The following PTPRT variants were observed in gnomAD, a reference collection of about 807,000 sequenced individuals.
PTPRT encodes the protein receptor-type tyrosine-protein phosphatase T.
In PTPRT, 56 loss-of-function variants were observed where a neutral mutation model predicts 176.8. That is an observed-to-expected ratio of 0.32 (90% CI 0.26 to 0.40). The LOEUF is 0.40. Ranked by LOEUF, PTPRT falls within the 10% of genes least tolerant of loss-of-function variation. The pLI is 1.00. For synonymous variants in PTPRT, 783 were observed against 739.0 expected, an observed-to-expected ratio of 1.06 and a Z score of -0.96; for missense variants, 1,540 against 1,908.2, an observed-to-expected ratio of 0.81 and a Z score of 3.60.
At position 42,274,545 on chromosome 20, in the gene PTPRT, G is replaced by GTC. The variant is rs1429699009; in HGVS notation, c.2176+7943_2176+7944insGA. On this transcript the variant is annotated intron_variant, in intron 13 of 30. Transcript: ENST00000373187. ...TTTCCAGGCCCTGTACAGTGTGTGT[G>GTC]TGTGTGTGTGTGTGTGTGTGTGTGT... Among the ~76,000 whole-genome samples the GTC allele has an allele frequency of 4.0e-3, 495 of 122,630 alleles. 5 individuals carry two copies. Among genetic ancestry groups the GTC allele is most frequent in the African/African-American group, 0.016 (470 of 29,468 alleles). 80.5% of individuals were successfully genotyped at this position (122,630 alleles called of 152,430 possible).
chr20:42,615,624 C>T (rs2074059834), intron 7 of PTPRT, among the ~76,000 whole-genome samples: 1 of 133,326 alleles, frequency 7.5e-6, no homozygotes, highest in East Asian at 2.0e-4. Context: ...TTAATGATGG[C>T]CATTCTAACT....
intron 7 of PTPRT, among the ~76,000 whole-genome samples, chr20:42,610,379 GTTTTTTTT>G (rs74271793): frequency 7.3e-6 from 1 of 136,432 alleles, no homozygotes; most frequent in African/African-American, 2.6e-5. Context: ...TACTTGTTTT[GTTTTTTTT>G]TTTTGTTTTT....
Position 42,794,604 on chromosome 20 carries a change from A to C in PTPRT, c.215-3138T>G, listed in dbSNP as rs138053098. ...CCAGGTTCCCTGAATGAGCACAACC[A>C]CACAGAAGGCTACTCACCTATTAGG... is the stretch of plus-strand genomic sequence containing the variant. On this transcript the variant is annotated intron_variant, in intron 2 of 30. Transcript: ENST00000373187. 7.9e-4 allele frequency among the ~76,000 whole-genome samples: 121 copies of C among 152,322 alleles called. 1 individual carries two copies. Among genetic ancestry groups the C allele is most frequent in the African/African-American group, 2.6e-3 (110 of 41,580 alleles).
At chr20:42,609,182 T>C (rs2145817283) in intron 7 of PTPRT, among the ~76,000 whole-genome samples, 1 of 152,272 alleles carries the variant, frequency 6.6e-6, no homozygotes, top group East Asian at 1.9e-4. Flanking sequence ...CAAGTGATTC[T>C]CCTGCCTCAG....
rs1437792865 is a variant in PTPRT at position 42,115,328 on chromosome 20, G to A, written c.2983-13C>T. ...GCACACATTTCACCTGTGGCCAAGT[G>A]AGAGACAGAGACAGAGACAGAACAG... is the stretch of plus-strand genomic sequence containing the variant. On this transcript the variant is annotated splice_polypyrimidine_tract_variant and intron_variant, in intron 21 of 30. Transcript: ENST00000373187. The A allele has an allele frequency of 8.2e-6, 13 of 1,583,474 alleles. No individual in the cohort carries two copies. The highest frequency in any genetic ancestry group is 1.0e-5 in the Non-Finnish European group (12 of 1,152,348).
intron 5 of PTPRT, among the ~76,000 whole-genome samples, chr20:42,761,326 C>T (rs200520381): frequency 1.2e-3 from 189 of 151,718 alleles, no homozygotes; most frequent in East Asian, 0.01. Flanking sequence ...CCCAGCTGCT[C>T]GGGAGGCCGA....
intron 11 of PTPRT, among the ~76,000 whole-genome samples, chr20:42,321,085 A>G (rs1274386838): frequency 6.6e-6 from 1 of 152,192 alleles, no homozygotes; most frequent in Non-Finnish European, 1.5e-5. Context: ...GACCTATTTT[A>G]TCAAGGTAAT....
At chr20:42,530,827 G>T (rs1280597608) in intron 7 of PTPRT, among the ~76,000 whole-genome samples, 1 of 152,188 alleles carries the variant, frequency 6.6e-6, no homozygotes, top group Non-Finnish European at 1.5e-5. Context: ...GGGTGGGATA[G>T]TGGCCAAGTA....
chr20:42,782,073 A>G (rs1235321970), intron 3 of PTPRT, among the ~76,000 whole-genome samples: 1 of 152,246 alleles, frequency 6.6e-6, no homozygotes, highest in Non-Finnish European at 1.5e-5. Context: ...TACTAGAATT[A>G]TTATCACAAC....
intron 1 of PTPRT, among the ~76,000 whole-genome samples, chr20:43,161,564 C>G (rs1424607083): frequency 1.3e-5 from 2 of 152,070 alleles, no homozygotes; most frequent in East Asian, 3.9e-4. Flanking sequence ...CATGGATACC[C>G]AAGCAAAATT....
At chr20:42,394,029 A>G (rs1047569078) in intron 9 of PTPRT, among the ~76,000 whole-genome samples, 26 of 151,180 alleles carry the variant, frequency 1.7e-4, no homozygotes, top group Admixed American at 2.6e-4. Context: ...AAGTCTATGA[A>G]GATGTGACAG....
chr20:42,832,515 A>C (rs1194485731), intron 2 of PTPRT, among the ~76,000 whole-genome samples: 2 of 152,158 alleles, frequency 1.3e-5, no homozygotes, highest in Non-Finnish European at 2.9e-5. Context: ...CTAAAAAAAA[A>C]GACATTTTGA....
At chr20:42,054,805 A>G in the PTPRT span, among the ~76,000 whole-genome samples, 4 of 152,248 alleles carry the variant, frequency 2.6e-5, no homozygotes, top group East Asian at 7.8e-4. Context: ...GGTGCCCTCT[A>G]AGGCAGTGGC....
intron 1 of PTPRT, among the ~76,000 whole-genome samples, chr20:43,148,388 C>A (rs902081944): frequency 5.3e-5 from 8 of 152,104 alleles, no homozygotes; most frequent in African/African-American, 1.9e-4. Context: ...TCCTGGACCC[C>A]TCTTCTTCAG....
At chr20:43,035,513 C>T (rs570655177) in intron 1 of PTPRT, among the ~76,000 whole-genome samples, 84 of 152,284 alleles carry the variant, frequency 5.5e-4, no homozygotes, top group Admixed American at 3.7e-3. Flanking sequence ...GTCCCTGCCA[C>T]GCTGTCATTT....
intron 11 of PTPRT, among the ~76,000 whole-genome samples, chr20:42,340,606 A>T (rs2058097922): frequency 6.6e-6 from 1 of 152,210 alleles, no homozygotes; most frequent in Non-Finnish European, 1.5e-5. Context: ...TTTTTGGATA[A>T]GAGCAAACCT....
chr20:42,927,492 G>A (rs1452906541), intron 1 of PTPRT, among the ~76,000 whole-genome samples: 2 of 152,176 alleles, frequency 1.3e-5, no homozygotes, highest in Admixed American at 6.5e-5. Context: ...TACCTGGGAG[G>A]CAGAGGGTGT....
At chr20:42,879,264 C>T (rs1301328339) in intron 2 of PTPRT, among the ~76,000 whole-genome samples, 1 of 152,148 alleles carries the variant, frequency 6.6e-6, no homozygotes, top group Non-Finnish European at 1.5e-5. Context: ...AGGGTATTGG[C>T]AGGGCCACGT....
chr20:42,555,991 G>A (rs1278337639), intron 7 of PTPRT, among the ~76,000 whole-genome samples: 1 of 152,186 alleles, frequency 6.6e-6, no homozygotes, highest in African/African-American at 2.4e-5. Context: ...TTTCTAAGAG[G>A]TGACATTTAT....
Sources: allele counts gnomAD v4.1 joint callset (sites outside exome capture counted in the v4.1 genomes callset), GRCh38; gene constraint gnomAD v4.1.1; transcripts MANE v1.5; gene names NCBI Gene and HGNC (gene_info 2026-07-23, HGNC 2026-07-21).